Variants in NRP2 observed in about 807,000 individuals in gnomAD.
NRP2 encodes neuropilin-2.
A neutral mutation model predicts 110.4 loss-of-function variants in NRP2; 52 were observed. That is an observed-to-expected ratio of 0.47 (90% CI 0.38 to 0.59). The LOEUF is 0.59. Among genes scored for constraint, NRP2 ranks in the 20% least tolerant of loss-of-function variants. The pLI, the probability that NRP2 is intolerant of heterozygous loss-of-function variation, is 0.00. For synonymous variants in NRP2, 508 were observed against 468.9 expected (o/e 1.08, Z -1.08); for missense variants, 1,049 against 1,203.0 (o/e 0.87, Z 1.89).
Position 205,775,062 on chromosome 2 carries a change from C to T in NRP2, c.2425+8259C>T, listed in dbSNP as rs148052276. On this transcript the variant is annotated intron_variant, in intron 15 of 16. Transcript: ENST00000357785. ...AGCCCGCAGCACTTCCCACCCATGGCTCCCCTGCTGGGGCACCCCATGAGT... is the reference window on the plus strand; with the variant it reads ...AGCCCGCAGCACTTCCCACCCATGGTTCCCCTGCTGGGGCACCCCATGAGT... Among the ~76,000 whole-genome samples the T allele has an allele frequency of 6.8e-3, 1,040 of 152,302 alleles. 9 individuals carry two copies. Among genetic ancestry groups the T allele is most frequent in the Middle Eastern group, 0.041 (12 of 292 alleles).
chr2:205,727,742 T>C (rs2057154220), intron 6 of NRP2, 149 bp from the exon 7 acceptor site: 2 of 731,076 alleles, frequency 2.7e-6, no homozygotes, highest in African/African-American at 3.6e-5. Context: ...TCCAATGGAA[T>C]TGCAAACTGA....
chr2:205,684,017 C>T (rs762127182), intron 1 of NRP2, among the ~76,000 whole-genome samples: 5 of 152,152 alleles, frequency 3.3e-5, no homozygotes, highest in Admixed American at 2.0e-4. Flanking sequence ...GTAAATCGTA[C>T]GTTCTTTTAG....
intron 2 of NRP2, among the ~76,000 whole-genome samples, chr2:205,715,957 G>A (rs1472678993): frequency 6.6e-6 from 1 of 152,226 alleles, no homozygotes; most frequent in Non-Finnish European, 1.5e-5. Context: ...TCTTACGTGG[G>A]CAAGAGATAA....
chr2:205,683,296 T>C lies in NRP2; in HGVS notation c.6T>C (p.Asp2=). 6.2e-7 allele frequency: 1 copy of C among 1,613,166 alleles called. No homozygotes were observed. Among genetic ancestry groups the C allele is most frequent in the South Asian group, 1.1e-5 (1 of 90,944 alleles). The part of the protein sequence containing the change: M[D]MFPLTWVFLA... ...AAAGAGCCACCTTCTCCAAAATGGA[T>C]ATGTTTCCTCTCACCTGGGTTTTCT... The change falls in exon 1 of 17, where the codon GAT becomes GAC. Residue 2 remains aspartate (D), a synonymous_variant. Coordinates refer to ENST00000357785, the MANE Select transcript of NRP2 (RefSeq NM_003872.3).
intron 16 of NRP2, 34 bp from the exon 17 acceptor site, chr2:205,794,720 G>A (rs1435820420): frequency 6.2e-7 from 1 of 1,608,774 alleles, no homozygotes; most frequent in South Asian, 1.1e-5. Context: ...CATAGGCAGT[G>A]CCTGCAATCT....
chr2:205,795,022 C>G lies in NRP2; in HGVS notation c.2745C>G (p.Val915=). 6.2e-7 allele frequency: 1 copy of G among 1,614,154 alleles called. No individual in the cohort carries two copies. The highest frequency in any genetic ancestry group is 8.5e-7 in the Non-Finnish European group (1 of 1,180,040). The part of the protein sequence containing the change: ...FELYDGLKHK[V]KMNHQKCCSE... ...TCTACGATGGCCTTAAGCACAAGGT[C>G]AAGATGAACCACCAAAAGTGCTGCT... The change falls in exon 17 of 17, where the codon GTC becomes GTG. Residue 915 remains valine, a synonymous_variant. Coordinates refer to ENST00000357785, the MANE Select transcript of NRP2 (RefSeq NM_003872.3).
chr2:205,722,573 T>G lies in NRP2; in HGVS notation c.529T>G (p.Phe177Val), dbSNP rs2057042337. Residue 177 changes from phenylalanine to valine, a missense_variant, in exon 4 of 17, where the codon TTT becomes GTT. Transcript: ENST00000357785. ...GTATCCACACAACTTGGACTGCACC[T>G]TTACCATCCTGGCCAAACCCAAGAT... is the stretch of plus-strand genomic sequence containing the variant. The part of the protein sequence containing the change: ...EKYPHNLDCT[F>V]TILAKPKMEI... 1.2e-6 allele frequency: 2 copies of G among 1,614,068 alleles called. No homozygotes were observed. The highest frequency in any genetic ancestry group is 1.7e-6 in the Non-Finnish European group (2 of 1,180,044).
chr2:205,703,423 T>C (rs764615631), intron 2 of NRP2, among the ~76,000 whole-genome samples: 5 of 152,238 alleles, frequency 3.3e-5, no homozygotes, highest in Non-Finnish European at 7.3e-5. Flanking sequence ...TGTTACTCTT[T>C]CCATTTTACA....
chr2:205,722,679 G>C lies in NRP2; in HGVS notation c.635G>C (p.Trp212Ser). 6.2e-7 allele frequency: 1 copy of C among 1,614,192 alleles called. No homozygotes were observed. The highest frequency in any genetic ancestry group is 8.5e-7 in the Non-Finnish European group (1 of 1,180,034). ...GGAGAGGGGGACTGCAAGTACGATT[G>C]GCTGGACATCTGGGATGGCATTCCA... is the stretch of plus-strand genomic sequence containing the variant. The part of the protein sequence containing the change: ...QVGEGDCKYD[W>S]LDIWDGIPHV... Residue 212 changes from tryptophan (W) to serine (S), a missense_variant, in exon 4 of 17, where the codon TGG (tryptophan) becomes TCG (serine). Physicochemically the swap from Trp to Ser is radical, Grantham distance 177. Transcript: ENST00000357785.
chr2:205,691,027 A>G (rs1267495301), intron 1 of NRP2, among the ~76,000 whole-genome samples: 2 of 151,722 alleles, frequency 1.3e-5, no homozygotes, highest in Non-Finnish European at 2.9e-5. Flanking sequence ...TTCTGATAGA[A>G]CTCTCAGAGT....
chr2:205,728,979 G>A (rs73983248), intron 7 of NRP2, among the ~76,000 whole-genome samples: 4,664 of 152,262 alleles, frequency 0.031, 231 homozygotes, highest in African/African-American at 0.1. Flanking sequence ...CTCTCCTGTA[G>A]CATTACAGTT....
intron 1 of NRP2, among the ~76,000 whole-genome samples, chr2:205,692,700 A>G (rs534261220): frequency 2.6e-5 from 4 of 152,254 alleles, no homozygotes; most frequent in Non-Finnish European, 4.4e-5. Context: ...TGTTTTCTGA[A>G]GAATCCTGGA....
At chr2:205,745,228 A>G (rs1386428022) in intron 9 of NRP2, among the ~76,000 whole-genome samples, 1 of 152,230 alleles carries the variant, frequency 6.6e-6, no homozygotes, top group Non-Finnish European at 1.5e-5. Flanking sequence ...ATGTGTGACC[A>G]GAAGACAGTG....
chr2:205,726,883 C>G (rs849528), intron 6 of NRP2, among the ~76,000 whole-genome samples: 72,884 of 151,972 alleles, frequency 0.48, 18,603 homozygotes, highest in East Asian at 0.8. Flanking sequence ...AAGGGAGAAA[C>G]ACCACTTAGA....
rs1480451981 is a variant in NRP2 at position 205,797,374 on chromosome 2, C to T, written c.*2316C>T. The stretch of plus-strand genomic sequence containing the variant: ...CAGAAGAAGGTAAGTTTGAAAGCCA[C>T]TCCAGGGGTCCTGATGCTGTCATGC... On this transcript the variant is annotated 3_prime_UTR_variant, in exon 17 of 17. Transcript: ENST00000357785. 1 of 152,322 alleles carries T rather than the reference C, an allele frequency of 6.6e-6. No homozygotes were observed. Among genetic ancestry groups the T allele is most frequent in the African/African-American group, 2.4e-5 (1 of 41,450 alleles). 9.4% of individuals were successfully genotyped at this position (152,322 alleles called of 1,614,324 possible).
rs1437915513 is a variant in NRP2 at position 205,686,442 on chromosome 2, C to CTGAT, written c.73+3085_73+3088dup. 2.0e-5 allele frequency among the ~76,000 whole-genome samples: 3 copies of CTGAT among 152,226 alleles called. No individual in the cohort carries two copies. The highest frequency in any genetic ancestry group is 7.2e-5 in the African/African-American group (3 of 41,464). ...GTTCACGGCCGATGCTTCATTTTCA[C>CTGAT]TGATTGATTTCTTTTTAATATCAAC... On this transcript the variant is annotated intron_variant, in intron 1 of 16. Transcript: ENST00000357785. This position sits in a 1 kb window ranked among gnomAD's most constrained non-coding sequence, Gnocchi z 4.7.
At chr2:205,700,726 A>C (rs779986403) in intron 2 of NRP2, 2 of 518,740 alleles carry the variant, frequency 3.9e-6, no homozygotes, top group African/African-American at 3.9e-5. Context: ...TGCTTGGAAA[A>C]TTTCACTCAC....
chr2:205,754,812 G>GTC (rs1281352571), intron 12 of NRP2, among the ~76,000 whole-genome samples: 2 of 151,740 alleles, frequency 1.3e-5, no homozygotes, highest in African/African-American at 4.8e-5. Flanking sequence ...ATGGGTGTGT[G>GTC]TGTGTGTCTG....
intron 7 of NRP2, among the ~76,000 whole-genome samples, chr2:205,730,238 G>A (rs1424749670): frequency 6.6e-6 from 1 of 152,202 alleles, no homozygotes; most frequent in Non-Finnish European, 1.5e-5. Flanking sequence ...TTAATGTGCA[G>A]ATTCCCCCTC....
Sources: gnomAD v4.1 joint callset for allele counts (sites outside exome capture counted in the v4.1 genomes callset) on GRCh38, gnomAD v4.1.1 for gene constraint, Gnocchi (gnomAD v3.1) non-coding constraint, MANE v1.5 for transcripts, NCBI Gene and HGNC (gene_info 2026-07-23, HGNC 2026-07-21) for gene names.